The following DDAH1 variants were observed in gnomAD, a reference collection of about 807,000 sequenced individuals.
DDAH1 encodes N(G),N(G)-dimethylarginine dimethylaminohydrolase 1.
In DDAH1, 19 loss-of-function variants were observed where a neutral mutation model predicts 28.8. The observed-to-expected ratio is 0.66, with a 90% CI of 0.46 to 0.97. The LOEUF (loss-of-function observed/expected upper bound fraction) is 0.97, where lower values mean the gene tolerates loss of function less well. Ranked by LOEUF, DDAH1 falls within the 50% of genes least tolerant of loss-of-function variation. The probability of loss-of-function intolerance (pLI) is 0.00; values close to 1 mark genes in which losing one functional copy is unlikely to be tolerated. For synonymous variants in DDAH1, 153 were observed against 154.4 expected (o/e 0.99, Z 0.07); for missense variants, 326 against 375.9 (o/e 0.87, Z 1.10).
Position 85,416,559 on chromosome 1 carries a change from C to A in DDAH1, c.303+48184G>T, listed in dbSNP as rs191279622. Among the ~76,000 whole-genome samples, 939 of 152,254 alleles carry A rather than the reference C, an allele frequency of 6.2e-3. 10 individuals carry two copies. Among genetic ancestry groups the A allele is most frequent in the Non-Finnish European group, 7.2e-3 (491 of 68,014 alleles). On this transcript the variant is annotated intron_variant, in intron 1 of 5. Coordinates refer to ENST00000284031, the MANE Select transcript of DDAH1 (RefSeq NM_012137.4). ...ATGTTCATAAAGTTCATAATATTCC[C>A]AAAGATAGTTATTTTAAAAACAGTT...
At chr1:85,403,998 C>T (rs907356607) in intron 1 of DDAH1, among the ~76,000 whole-genome samples, 9 of 152,098 alleles carry the variant, frequency 5.9e-5, no homozygotes, top group South Asian at 4.1e-4. Flanking sequence ...CACATTAGTA[C>T]AAAACAATTT....
chr1:85,438,824 T>A (rs1570545050), intron 1 of DDAH1, among the ~76,000 whole-genome samples: 1 of 152,224 alleles, frequency 6.6e-6, no homozygotes, highest in Non-Finnish European at 1.5e-5. Context: ...GATACCTAGA[T>A]ACTTTTGTTG....
In DDAH1 at chr1:85,415,239, C is replaced by T. The variant is rs1190965460; in HGVS notation, c.303+49504G>A. ...CTATGTTGGCCAGAATGGTCTCAAA[C>T]TCCTGACCTCGTGATCCACCCACCT... is the stretch of plus-strand genomic sequence containing the variant. On this transcript the variant is annotated intron_variant, in intron 1 of 5. Coordinates refer to ENST00000284031, the MANE Select transcript of DDAH1 (RefSeq NM_012137.4). Among the ~76,000 whole-genome samples the T allele has an allele frequency of 2.6e-5, 4 of 152,190 alleles. No homozygotes were observed. The East Asian group carries it at 7.7e-4, about 29-fold the overall frequency.
chr1:85,485,942 C>CT (rs1656189732), intron 2 of DDAH1, among the ~76,000 whole-genome samples: 1 of 152,170 alleles, frequency 6.6e-6, no homozygotes, highest in African/African-American at 2.4e-5. Context: ...AAATCAACCC[C>CT]TTTAGCTTGG....
At chr1:85,564,395 T>C (rs1298237311) in intron 1 of DDAH1, among the ~76,000 whole-genome samples, 2 of 152,136 alleles carry the variant, frequency 1.3e-5, no homozygotes, top group African/African-American at 2.4e-5. Context: ...CTAATACATA[T>C]GTAATTGGAG....
At chr1:85,390,078 A>G (rs1257600583) in intron 1 of DDAH1, among the ~76,000 whole-genome samples, 4 of 152,178 alleles carry the variant, frequency 2.6e-5, no homozygotes, top group East Asian at 1.9e-4. Flanking sequence ...ATGTGGTCGC[A>G]TATCTTTCTA....
At chr1:85,551,513 A>AT (rs1253981004) in intron 1 of DDAH1, among the ~76,000 whole-genome samples, 1 of 152,220 alleles carries the variant, frequency 6.6e-6, no homozygotes, top group Non-Finnish European at 1.5e-5. Context: ...ACACAGACCA[A>AT]TATGAGTTAA....
intron 1 of DDAH1, among the ~76,000 whole-genome samples, chr1:85,363,610 G>C (rs1286140843): frequency 6.6e-6 from 1 of 152,194 alleles, no homozygotes; most frequent in Non-Finnish European, 1.5e-5. Context: ...GTGACATGTA[G>C]ATAATGCTGA....
At chr1:85,339,914 C>A (rs568880036) in intron 4 of DDAH1, among the ~76,000 whole-genome samples, 25 of 152,302 alleles carry the variant, frequency 1.6e-4, no homozygotes, top group Admixed American at 7.2e-4. Flanking sequence ...ATGGCTGAGA[C>A]TATCACATAG....
At chr1:85,369,137 T>C (rs1429116935) in intron 1 of DDAH1, among the ~76,000 whole-genome samples, 2 of 147,082 alleles carry the variant, frequency 1.4e-5, no homozygotes, top group African/African-American at 5.0e-5. Context: ...CATGGCTCAC[T>C]GCAGCCTCAA....
intron 4 of DDAH1, among the ~76,000 whole-genome samples, chr1:85,328,568 C>T (rs150273643): frequency 6.6e-6 from 1 of 152,194 alleles, no homozygotes; most frequent in Non-Finnish European, 1.5e-5. Context: ...CCAGTCTGCT[C>T]ATGTTTGCAG....
intron 1 of DDAH1, among the ~76,000 whole-genome samples, chr1:85,508,372 C>G (rs893955834): frequency 6.6e-6 from 1 of 152,194 alleles, no homozygotes; most frequent in Non-Finnish European, 1.5e-5. Context: ...CAAATAGGAA[C>G]AGCTCTGGTC....
At chr1:85,336,083 C>T (rs910249943) in intron 4 of DDAH1, among the ~76,000 whole-genome samples, 1 of 152,176 alleles carries the variant, frequency 6.6e-6, no homozygotes, top group Non-Finnish European at 1.5e-5. Flanking sequence ...GACTTCAACA[C>T]TCCACTCTCA....
chr1:85,429,716 G>A (rs954160749), intron 1 of DDAH1, among the ~76,000 whole-genome samples: 2 of 152,174 alleles, frequency 1.3e-5, no homozygotes, highest in African/African-American at 4.8e-5. Flanking sequence ...TCTAACTGGT[G>A]TGAGATGGTA....
intron 1 of DDAH1, among the ~76,000 whole-genome samples, chr1:85,448,435 T>C (rs1557642924): frequency 6.6e-6 from 1 of 152,208 alleles, no homozygotes. Flanking sequence ...ATTTTAGAGT[T>C]CTATGAAGTA....
intron 1 of DDAH1, among the ~76,000 whole-genome samples, chr1:85,535,082 A>C (rs1412453954): frequency 6.6e-6 from 1 of 152,210 alleles, no homozygotes; most frequent in Non-Finnish European, 1.5e-5. Flanking sequence ...TGCTTTGTAA[A>C]GCAAAATTCA....
chr1:85,400,352 C>A (rs201860912), intron 1 of DDAH1, among the ~76,000 whole-genome samples: 1 of 151,542 alleles, frequency 6.6e-6, no homozygotes, highest in African/African-American at 2.4e-5. Flanking sequence ...CCACTATGCC[C>A]AGCTTTTTTT....
chr1:85,520,360 A>G (rs1369202207), intron 1 of DDAH1, among the ~76,000 whole-genome samples: 4 of 152,212 alleles, frequency 2.6e-5, no homozygotes, highest in African/African-American at 4.8e-5. Context: ...TGGGTTCTAG[A>G]AAAAGTTCTA....
chr1:85,547,301 C>T (rs1027310589), intron 1 of DDAH1, among the ~76,000 whole-genome samples: 4 of 152,122 alleles, frequency 2.6e-5, no homozygotes, highest in Non-Finnish European at 4.4e-5. Context: ...AGGTTTTCTA[C>T]CAGAGGTTGG....
Sources: gnomAD v4.1 joint callset for allele counts (sites outside exome capture counted in the v4.1 genomes callset) on GRCh38, gnomAD v4.1.1 for gene constraint, MANE v1.5 for transcripts, NCBI Gene and HGNC (gene_info 2026-07-23, HGNC 2026-07-21) for gene names.